Variants in MON1B observed in about 807,000 individuals in gnomAD.
MON1B encodes MON1 vesicular trafficking associated B.
MON1B carries 26 observed loss-of-function variants against 45.1 expected under a neutral mutation model. That is an observed-to-expected ratio of 0.58 (90% CI 0.42 to 0.80). The LOEUF is 0.80. MON1B is among the 30% of genes least tolerant of loss of function. MON1B has a pLI of 0.00. For synonymous variants in MON1B, 395 were observed against 320.2 expected (o/e 1.23, Z -2.49); for missense variants, 737 against 754.5 (o/e 0.98, Z 0.27).
rs368412163 is a variant in MON1B, at chr16:77,194,660, T to C, written c.801T>C (p.Arg267=). The change falls in exon 4 of 6, where the codon CGT becomes CGC. Residue 267 remains arginine, a synonymous_variant. Coordinates refer to ENST00000248248, the MANE Select transcript of MON1B (RefSeq NM_014940.4). This position sits in a 1 kb window ranked among gnomAD's most constrained non-coding sequence, Gnocchi z 8.1. ...ACGCACTAGGTGCGCTCCTCCGACG[T>C]TGCACAGCGCCTGGCCTGGCGCTGT... is the stretch of plus-strand genomic sequence containing the variant. ...LRDALGALLR[R]CTAPGLALSV... 4 of 1,613,742 alleles carry C rather than the reference T, an allele frequency of 2.5e-6. No homozygotes were observed. Among genetic ancestry groups the C allele is most frequent in the Middle Eastern group, 1.6e-4 (1 of 6,084 alleles).
Position 77,193,483 on chromosome 16 carries a change from T to G in MON1B, c.181T>G (p.Ser61Ala). 6.3e-7 allele frequency: 1 copy of G among 1,581,522 alleles called. No homozygotes were observed. Among genetic ancestry groups the G allele is most frequent in the Non-Finnish European group, 8.6e-7 (1 of 1,161,734 alleles). ...SKDKDQPPSP[S>A]PPPQSEALSS... ...GGACAAGGACCAGCCACCCAGCCCA[T>G]CACCACCGCCCCAGTCAGAGGCCCT... Residue 61 changes from serine to alanine, a missense_variant, in exon 3 of 6, where the codon TCA (serine) becomes GCA (alanine). Physicochemically the swap from Ser to Ala is moderately conservative, Grantham distance 99. Transcript: ENST00000248248. This position sits in a 1 kb window ranked among gnomAD's most constrained non-coding sequence, Gnocchi z 5.0.
rs1169698860 is a variant in MON1B at position 77,199,646 on chromosome 16, A to G, written c.*1338A>G. On this transcript the variant is annotated 3_prime_UTR_variant, in exon 6 of 6. Coordinates refer to ENST00000248248, the MANE Select transcript of MON1B (RefSeq NM_014940.4). ...AAAATGTTAAGCCTTTTGTTATTGA[A>G]GAAAAACAATTTTTTAACCGTTCAG... is the stretch of plus-strand genomic sequence containing the variant. 10 of 764,630 alleles carry G rather than the reference A, an allele frequency of 1.3e-5. No homozygotes were observed. Among genetic ancestry groups the G allele is most frequent in the Non-Finnish European group, 1.9e-5 (9 of 476,842 alleles). 47.4% of individuals were successfully genotyped at this position (764,630 alleles called of 1,614,324 possible).
Position 77,200,525 on chromosome 16 carries a change from G to A in MON1B, c.*2217G>A, listed in dbSNP as rs2054728123. 1 of 151,166 alleles carries A rather than the reference G, an allele frequency of 6.6e-6. No homozygotes were observed. Among genetic ancestry groups the A allele is most frequent in the Non-Finnish European group, 1.5e-5 (1 of 67,860 alleles). The allele number at this position is 151,166 out of a possible 1,614,324, so 9.4% of individuals were successfully genotyped here. On this transcript the variant is annotated 3_prime_UTR_variant, in exon 6 of 6. Coordinates refer to ENST00000248248, the MANE Select transcript of MON1B (RefSeq NM_014940.4). ...AATCCCAGCACTTTGGAAGGCCGAG[G>A]CGGGTGGGTCACCTGAGGTCAGGAG... is the stretch of plus-strand genomic sequence containing the variant.
rs979875510 is a variant in MON1B, at chr16:77,198,476, C to T, written c.*168C>T. On this transcript the variant is annotated 3_prime_UTR_variant, in exon 6 of 6. Coordinates refer to ENST00000248248, the MANE Select transcript of MON1B (RefSeq NM_014940.4). ...CGATGAGAGAGATGGTGGCAGCCGC[C>T]AGGCGAGCAGGCTGCTTTCCCTGCC... 5.7e-6 allele frequency: 4 copies of T among 706,936 alleles called. No homozygotes were observed. The African/African-American group carries it at 7.2e-5, about 13-fold the overall frequency. 43.8% of individuals were successfully genotyped at this position (706,936 alleles called of 1,614,324 possible).
At position 77,200,159 on chromosome 16, in the gene MON1B, A is replaced by T. The variant is rs1280331163; in HGVS notation, c.*1851A>T. ...AGCCTGACCAACATGGTGAAACACC[A>T]TCTCTACTAAAAAACTATATATACA... is the stretch of plus-strand genomic sequence containing the variant. On this transcript the variant is annotated 3_prime_UTR_variant, in exon 6 of 6. Coordinates refer to ENST00000248248, the MANE Select transcript of MON1B (RefSeq NM_014940.4). 6.7e-6 allele frequency: 1 copy of T among 149,892 alleles called. No individual in the cohort carries two copies. The highest frequency in any genetic ancestry group is 6.7e-5 in the Admixed American group (1 of 14,988). 9.3% of individuals were successfully genotyped at this position (149,892 alleles called of 1,614,324 possible).
In MON1B at chr16:77,194,765, T is replaced by C. The variant is rs2054647819; in HGVS notation, c.906T>C (p.Ala302=). Residue 302 remains alanine (A), a synonymous_variant, in exon 4 of 6, where the codon GCT becomes GCC. Coordinates refer to ENST00000248248, the MANE Select transcript of MON1B (RefSeq NM_014940.4). This position sits in a 1 kb window ranked among gnomAD's most constrained non-coding sequence, Gnocchi z 8.1. Reference sequence around the variant, plus strand: ...TGGCCGAGTGCCGGCTGGACCCAGCTGACCTGCAGTTGCTGCTCGACTGGG... The same window carrying C: ...TGGCCGAGTGCCGGCTGGACCCAGCCGACCTGCAGTTGCTGCTCGACTGGG... The part of the protein sequence containing the change: ...NVLAECRLDP[A]DLQLLLDWVG... 2 of 1,613,834 alleles carry C rather than the reference T, an allele frequency of 1.2e-6. No individual in the cohort carries two copies. Among genetic ancestry groups the C allele is most frequent in the Admixed American group, 1.7e-5 (1 of 59,994 alleles).
rs756625010 is a variant in MON1B at position 77,194,895 on chromosome 16, A to G, written c.1036A>G (p.Met346Val). The G allele has an allele frequency of 1.2e-6, 2 of 1,613,102 alleles. No individual in the cohort carries two copies. Among genetic ancestry groups the G allele is most frequent in the Non-Finnish European group, 1.7e-6 (2 of 1,180,006 alleles). Residue 346 changes from methionine to valine, a missense_variant, in exon 4 of 6, where the codon ATG becomes GTG. Coordinates refer to ENST00000248248, the MANE Select transcript of MON1B (RefSeq NM_014940.4). The surrounding 1 kb of genome is among the most constrained non-coding windows in gnomAD (Gnocchi z 8.1). ...FYAYVARLDAMPVCLLLLGTQ... is the reference protein window; with the variant it reads ...FYAYVARLDAVPVCLLLLGTQ... ...CGCCTACGTGGCCCGCCTGGATGCT[A>G]TGCCTGTCTGCCTGCTGCTGCTTGG... is the stretch of plus-strand genomic sequence containing the variant.
intron 5 of MON1B, among the ~76,000 whole-genome samples, chr16:77,196,402 T>C (rs551680551): frequency 1.3e-5 from 2 of 152,364 alleles, no homozygotes; most frequent in South Asian, 2.1e-4. Context: ...AAGGGCGTGG[T>C]GAAAACCACG....
chr16:77,198,904 A>G lies in MON1B; in HGVS notation c.*596A>G, dbSNP rs1411670770. The stretch of plus-strand genomic sequence containing the variant: ...TAACATTAATGAGAAGGTGGCCTTC[A>G]GTGTCCACCTGTGGAACCCAGGACA... On this transcript the variant is annotated 3_prime_UTR_variant, in exon 6 of 6. Coordinates refer to ENST00000248248, the MANE Select transcript of MON1B (RefSeq NM_014940.4). The G allele has an allele frequency of 3.1e-5, 5 of 162,974 alleles. No homozygotes were observed. Among genetic ancestry groups the G allele is most frequent in the African/African-American group, 9.6e-5 (4 of 41,582 alleles). 10.1% of individuals were successfully genotyped at this position (162,974 alleles called of 1,614,324 possible).
chr16:77,198,279 G>T lies in MON1B; in HGVS notation c.1615G>T (p.Ala539Ser). ...ACCAGCCACCTCTACGGACCAAGCT[G>T]CCCATAATGGCTTGTTCACTGGACT... ...TPPATSTDQA[A>S]HNGLFTGL The change falls in exon 6 of 6, where the codon GCC becomes TCC. Residue 539 changes from alanine to serine, a missense_variant. Transcript: ENST00000248248. 1 of 1,614,186 alleles carries T rather than the reference G, an allele frequency of 6.2e-7. No homozygotes were observed. The highest frequency in any genetic ancestry group is 8.5e-7 in the Non-Finnish European group (1 of 1,180,030).
rs771542416 is a variant in MON1B, at chr16:77,191,645, C to T, written c.148+12C>T. 1.1e-5 allele frequency: 17 copies of T among 1,607,730 alleles called. No homozygotes were observed. Among genetic ancestry groups the T allele is most frequent in the Non-Finnish European group, 1.4e-5 (17 of 1,177,626 alleles). ...CCTGGAGGAAACAGGTATGACTCCA[C>T]TTAGTGGGGTCTTAAAAGGAATCCT... On this transcript the variant is annotated intron_variant, in intron 2 of 5. Coordinates refer to ENST00000248248, the MANE Select transcript of MON1B (RefSeq NM_014940.4).
At position 77,199,191 on chromosome 16, in the gene MON1B, T is replaced by C; in HGVS notation, c.*883T>C. ...AGAGACCTCCCTAGGGTTTTGTGTG[T>C]GTGCACACTACCCTCACTCCCCAAC... On this transcript the variant is annotated 3_prime_UTR_variant, in exon 6 of 6. Transcript: ENST00000248248. 2.1e-6 allele frequency: 1 copy of C among 477,448 alleles called. No individual in the cohort carries two copies. Among genetic ancestry groups the C allele is most frequent in the Non-Finnish European group, 3.7e-6 (1 of 268,576 alleles). The allele number at this position is 477,448 out of a possible 1,614,324, so 29.6% of individuals were successfully genotyped here.
At chr16:77,195,289 G>C (rs962271675) in intron 4 of MON1B, 135 bp downstream of exon 4, 5 of 1,055,390 alleles carry the variant, frequency 4.7e-6, no homozygotes, top group Non-Finnish European at 5.3e-6. Flanking sequence ...GTCTCTGTCT[G>C]ATGATGGAGC....
At position 77,200,823 on chromosome 16, in the gene MON1B, A is replaced by AAT. The variant is rs2054733839; in HGVS notation, c.*2515_*2516insAT. On this transcript the variant is annotated 3_prime_UTR_variant, in exon 6 of 6. Coordinates refer to ENST00000248248, the MANE Select transcript of MON1B (RefSeq NM_014940.4). ...AGTCATGCATTTGTATGCCACTAGC[A>AAT]TTTTTTTGTTATAGAAATATTCAAA... is the stretch of plus-strand genomic sequence containing the variant. 1.3e-5 allele frequency: 2 copies of AAT among 152,010 alleles called. No individual in the cohort carries two copies. The highest frequency in any genetic ancestry group is 4.1e-4 in the South Asian group (2 of 4,828). 9.4% of individuals were successfully genotyped at this position (152,010 alleles called of 1,614,324 possible). A position where few individuals can be genotyped will look rare whatever the true frequency, so the allele number is the denominator to read the frequency against.
Position 77,199,215 on chromosome 16 carries a change from A to C in MON1B, c.*907A>C, listed in dbSNP as rs1039995682. 7 of 527,746 alleles carry C rather than the reference A, an allele frequency of 1.3e-5. No homozygotes were observed. Among genetic ancestry groups the C allele is most frequent in the Non-Finnish European group, 2.4e-5 (7 of 295,534 alleles). 32.7% of individuals were successfully genotyped at this position (527,746 alleles called of 1,614,324 possible). On this transcript the variant is annotated 3_prime_UTR_variant, in exon 6 of 6. Coordinates refer to ENST00000248248, the MANE Select transcript of MON1B (RefSeq NM_014940.4). ...GTGTGCACACTACCCTCACTCCCCA[A>C]CTGGCCATTACCCTAGTTCTGCCCT...
chr16:77,194,363 G>A lies in MON1B; in HGVS notation c.504G>A (p.Gln168=). The change falls in exon 4 of 6, where the codon CAG becomes CAA. Residue 168 remains glutamine, a synonymous_variant. Transcript: ENST00000248248. This position sits in a 1 kb window ranked among gnomAD's most constrained non-coding sequence, Gnocchi z 8.1. The part of the protein sequence containing the change: ...AEDHKLVFLQ[Q]GPLLLVAMSR... Reference sequence around the variant, plus strand: ...ACCACAAGCTGGTGTTCCTACAACAGGGCCCACTGTTGCTCGTGGCCATGT... The same window carrying A: ...ACCACAAGCTGGTGTTCCTACAACAAGGCCCACTGTTGCTCGTGGCCATGT... The A allele has an allele frequency of 6.2e-7, 1 of 1,609,064 alleles. No homozygotes were observed. The highest frequency in any genetic ancestry group is 8.5e-7 in the Non-Finnish European group (1 of 1,179,960).
rs997520773 is a variant in MON1B, at chr16:77,191,356, G to A, written c.-11+98G>A. 4.7e-5 allele frequency: 74 copies of A among 1,567,230 alleles called. 1 individual carries two copies. The highest frequency in any genetic ancestry group is 4.5e-4 in the Admixed American group (25 of 55,056). Reference sequence around the variant, plus strand: ...ATTTGGGCATGATTTTGGATGTCTCGTCCTATTGAAATCCGTGGGGAAATG... The same window carrying A: ...ATTTGGGCATGATTTTGGATGTCTCATCCTATTGAAATCCGTGGGGAAATG... On this transcript the variant is annotated intron_variant, in intron 1 of 5. Coordinates refer to ENST00000248248, the MANE Select transcript of MON1B (RefSeq NM_014940.4).
chr16:77,196,957 G>C (rs2054671085), intron 5 of MON1B, among the ~76,000 whole-genome samples: 2 of 152,146 alleles, frequency 1.3e-5, no homozygotes, highest in African/African-American at 4.8e-5. Flanking sequence ...GCTGATCCCT[G>C]TGTCTCTGAC....
Position 77,199,367 on chromosome 16 carries a change from C to G in MON1B, c.*1059C>G, listed in dbSNP as rs2054703147. On this transcript the variant is annotated 3_prime_UTR_variant, in exon 6 of 6. Transcript: ENST00000248248. ...GGCGTAACCGCGGGTTGCACGCATGCGTGCTGAAAAGCCTTTCACCCTCAC... is the reference window on the plus strand; with the variant it reads ...GGCGTAACCGCGGGTTGCACGCATGGGTGCTGAAAAGCCTTTCACCCTCAC... 1.4e-6 allele frequency: 2 copies of G among 1,381,410 alleles called. No individual in the cohort carries two copies. The highest frequency in any genetic ancestry group is 1.3e-5 in the South Asian group (1 of 79,040). 85.6% of individuals were successfully genotyped at this position (1,381,410 alleles called of 1,614,324 possible). A position where few individuals can be genotyped will look rare whatever the true frequency, so the allele number is the denominator to read the frequency against.
Sources: gnomAD v4.1 joint callset for allele counts (sites outside exome capture counted in the v4.1 genomes callset) on GRCh38, gnomAD v4.1.1 for gene constraint, Gnocchi (gnomAD v3.1) non-coding constraint, MANE v1.5 for transcripts, NCBI Gene and HGNC (gene_info 2026-07-23, HGNC 2026-07-21) for gene names.